Variants in LIFR observed in about 807,000 individuals in gnomAD.
The protein encoded by LIFR is LIF receptor subunit alpha, also known as leukemia inhibitory factor receptor.
In LIFR, 84 loss-of-function variants were observed where a neutral mutation model predicts 122.2. That is an observed-to-expected ratio of 0.69 (90% confidence interval 0.58 to 0.82). The LOEUF is 0.82. LIFR is among the 40% of genes least tolerant of loss of function. The pLI, the probability that LIFR is intolerant of heterozygous loss-of-function variation, is 0.00. For missense variants in LIFR, 1,294 were observed against 1,311.6 expected, an observed-to-expected ratio of 0.99 and a Z score of 0.21; for synonymous variants, 422 against 434.7, an observed-to-expected ratio of 0.97 and a Z score of 0.36.
chr5:38,475,279 G>A lies in LIFR; in HGVS notation c.*6316C>T, dbSNP rs115572283. ...CTTCAGTTATCATCTAAGTGGAGTT[G>A]TTTTATTCCATATTACTCTCAGAAT... On this transcript the variant is annotated 3_prime_UTR_variant, in exon 20 of 20. Coordinates refer to ENST00000453190, the MANE Select transcript of LIFR (RefSeq NM_001127671.2). The A allele has an allele frequency of 0.01, 1,953 of 193,928 alleles. 37 individuals carry two copies. Among genetic ancestry groups the A allele is most frequent in the African/African-American group, 0.042 (1,805 of 43,276 alleles). 12.0% of individuals were successfully genotyped at this position (193,928 alleles called of 1,614,324 possible). A position where few individuals can be genotyped will look rare whatever the true frequency, so the allele number is the denominator to read the frequency against.
intron 1 of LIFR, among the ~76,000 whole-genome samples, chr5:38,543,121 T>C (rs1747682056): frequency 6.6e-6 from 1 of 151,840 alleles, no homozygotes; most frequent in Non-Finnish European, 1.5e-5. Flanking sequence ...AAATAGGCAA[T>C]AAACATGAAA....
chr5:38,581,944 T>C (rs1428653103), intron 1 of LIFR, among the ~76,000 whole-genome samples: 1 of 152,244 alleles, frequency 6.6e-6, no homozygotes, highest in Admixed American at 6.5e-5. Context: ...ACTTCCTTTG[T>C]GAAGCGTTTC....
Position 38,505,958 on chromosome 5 carries a change from TGA to T in LIFR, c.1236_1237del (p.His413GlnfsTer13), listed in dbSNP as rs747049208. 6.2e-7 allele frequency: 1 copy of T among 1,611,078 alleles called. No homozygotes were observed. The highest frequency in any genetic ancestry group is 8.5e-7 in the Non-Finnish European group (1 of 1,178,338). Reference sequence around the variant, plus strand: ...TGATTGTGATCGACCCAGCGGATTGTGAGCATTCAAAGTAAAATTATATATTT... The same window carrying T: ...TGATTGTGATCGACCCAGCGGATTGTGCATTCAAAGTAAAATTATATATTT... On this transcript the variant is annotated frameshift_variant, in exon 9 of 20. Transcript: ENST00000453190. LOFTEE classifies it high-confidence loss of function.
chr5:38,589,241 G>T (rs886580127), intron 1 of LIFR, among the ~76,000 whole-genome samples: 6 of 151,790 alleles, frequency 4.0e-5, no homozygotes, highest in Middle Eastern at 3.4e-3. Context: ...CTATGTTACT[G>T]ATCTCATTTT....
intron 1 of LIFR, among the ~76,000 whole-genome samples, chr5:38,531,305 A>G (rs1746994569): frequency 6.6e-6 from 1 of 152,244 alleles, no homozygotes; most frequent in Non-Finnish European, 1.5e-5. Context: ...TGATACACTG[A>G]AAACTCTTGT....
At chr5:38,594,251 CA>C (rs1383241963) in intron 1 of LIFR, among the ~76,000 whole-genome samples, 1 of 152,056 alleles carries the variant, frequency 6.6e-6, no homozygotes. Flanking sequence ...GTTAAAAGAT[CA>C]GTGGTTGTCA....
chr5:38,593,293 G>A (rs1051232637), intron 1 of LIFR, among the ~76,000 whole-genome samples: 5 of 152,084 alleles, frequency 3.3e-5, no homozygotes, highest in African/African-American at 7.2e-5. Flanking sequence ...AACTGGGGGG[G>A]ATGTTAATGA....
chr5:38,516,754 A>T (rs569046508), intron 5 of LIFR, among the ~76,000 whole-genome samples: 2 of 152,310 alleles, frequency 1.3e-5, no homozygotes, highest in East Asian at 3.9e-4. Context: ...AGACACATGC[A>T]CACATAGGTT....
chr5:38,509,665 C>T (rs527703325), intron 7 of LIFR, among the ~76,000 whole-genome samples: 5 of 152,220 alleles, frequency 3.3e-5, no homozygotes, highest in African/African-American at 1.2e-4. Flanking sequence ...AGACCAAAAT[C>T]CCAGACTTCT....
At chr5:38,554,226 T>C (rs888576765) in intron 1 of LIFR, among the ~76,000 whole-genome samples, 3 of 152,234 alleles carry the variant, frequency 2.0e-5, no homozygotes, top group Non-Finnish European at 4.4e-5. Flanking sequence ...CAAGGAATAA[T>C]GACTTTAGTT....
chr5:38,528,307 G>A (rs1213083958), intron 3 of LIFR, among the ~76,000 whole-genome samples: 1 of 152,150 alleles, frequency 6.6e-6, no homozygotes, highest in Admixed American at 6.5e-5. Context: ...TCCCAGGGGA[G>A]CAGGGGGCCA....
chr5:38,481,334 A>G lies in LIFR; in HGVS notation c.*261T>C, dbSNP rs1424432792. The stretch of plus-strand genomic sequence containing the variant: ...TAGCCTTGAAATGCTTCTTGAAGGT[A>G]GAGTACATGAGAATTCTTTGGCTTG... On this transcript the variant is annotated 3_prime_UTR_variant, in exon 20 of 20. Transcript: ENST00000453190. The G allele has an allele frequency of 5.6e-6, 3 of 531,580 alleles. No individual in the cohort carries two copies. The highest frequency in any genetic ancestry group is 1.0e-5 in the Non-Finnish European group (3 of 295,272). The allele number at this position is 531,580 out of a possible 1,614,324, so 32.9% of individuals were successfully genotyped here.
chr5:38,598,011 A>T (rs1334251062), upstream of LIFR, among the ~76,000 whole-genome samples: 1 of 151,928 alleles, frequency 6.6e-6, no homozygotes, highest in South Asian at 2.1e-4. Flanking sequence ...AAGGCTCCTT[A>T]GGAGGTGATA....
upstream of LIFR, chr5:38,558,950 A>T (rs1359227131): frequency 6.6e-6 from 1 of 152,278 alleles, no homozygotes; most frequent in Non-Finnish European, 1.5e-5. Flanking sequence ...ACCACCCAAT[A>T]GAAGGGAAAA....
rs1561135707 is a variant in LIFR at position 38,489,155 on chromosome 5, C to T, written c.2258G>A (p.Arg753Lys). ...KWEDIPVEEL[R>K]GFLRGYLFYF... Reference sequence around the variant, plus strand: ...AAACAAATATCCTCTTAAAAAGCCTCTAAGTTCTTCCACAGGAATGTCTTC... The same window carrying T: ...AAACAAATATCCTCTTAAAAAGCCTTTAAGTTCTTCCACAGGAATGTCTTC... Residue 753 changes from arginine (R) to lysine (K), a missense_variant, in exon 16 of 20, where the codon AGA (arginine) becomes AAA (lysine). By Grantham distance (26) the Arg-to-Lys change is conservative. Transcript: ENST00000453190. 8 of 1,612,488 alleles carry T rather than the reference C, an allele frequency of 5.0e-6. No individual in the cohort carries two copies. The highest frequency in any genetic ancestry group is 6.8e-6 in the Non-Finnish European group (8 of 1,178,738).
chr5:38,525,888 C>T (rs539745794), intron 4 of LIFR, among the ~76,000 whole-genome samples: 2 of 152,292 alleles, frequency 1.3e-5, no homozygotes, highest in Non-Finnish European at 2.9e-5. Flanking sequence ...ACTAAGACAA[C>T]GCTCATCTTT....
intron 1 of LIFR, among the ~76,000 whole-genome samples, chr5:38,536,445 A>AT (rs145505390): frequency 0.038 from 5,736 of 152,310 alleles, 374 homozygotes; most frequent in African/African-American, 0.13. Flanking sequence ...TTTAAATCAT[A>AT]TGAGAGGATA....
intron 1 of LIFR, among the ~76,000 whole-genome samples, chr5:38,536,424 T>A (rs572920925): frequency 6.6e-6 from 1 of 151,868 alleles, no homozygotes; most frequent in East Asian, 1.9e-4. Context: ...TTTAAAGTAA[T>A]CTAGAGATGA....
Position 38,475,982 on chromosome 5 carries a change from C to T in LIFR, c.*5613G>A. The T allele has an allele frequency of 5.0e-6, 1 of 199,264 alleles. No homozygotes were observed. Among genetic ancestry groups the T allele is most frequent in the East Asian group, 7.7e-5 (1 of 12,912 alleles). The allele number at this position is 199,264 out of a possible 1,614,324, so 12.3% of individuals were successfully genotyped here. On this transcript the variant is annotated 3_prime_UTR_variant, in exon 20 of 20. Transcript: ENST00000453190. Reference sequence around the variant, plus strand: ...GAAAATAACAGGATAAAACAAACGCCAGGAAGGGCATCAATCACATAACAC... The same window carrying T: ...GAAAATAACAGGATAAAACAAACGCTAGGAAGGGCATCAATCACATAACAC...
Sources: allele counts gnomAD v4.1 joint callset (sites outside exome capture counted in the v4.1 genomes callset), GRCh38; gene constraint gnomAD v4.1.1; transcripts MANE v1.5; gene names NCBI Gene and HGNC (gene_info 2026-07-23, HGNC 2026-07-21).